MTM1: variants seen among roughly 807,000 people sequenced by gnomAD.
The protein encoded by MTM1 is myotubularin.
Under a neutral mutation model 52.1 loss-of-function variants are expected in MTM1, and 9 were observed. The ratio of observed to expected loss-of-function variants is 0.17; its 90% CI spans 0.10 to 0.30. MTM1 has a LOEUF of 0.30. MTM1 is among the 10% of genes least tolerant of loss of function. MTM1 has a pLI of 1.00. For missense variants in MTM1, 277 were observed against 470.7 expected (o/e 0.59, Z 3.81); for synonymous variants, 136 against 163.8 (o/e 0.83, Z 1.29).
intron 1 of MTM1, among the ~76,000 whole-genome samples, chrX:150,577,456 A>G (rs1230902934): frequency 8.9e-6 from 1 of 112,651 alleles, no homozygotes; most frequent in Non-Finnish European, 1.9e-5. Context: ...CTGCCTTTAA[A>G]ATGTTAGCCA....
chrX:150,651,485 GTTT>G (rs56302527), intron 10 of MTM1, among the ~76,000 whole-genome samples: 123 of 74,814 alleles, frequency 1.6e-3, no homozygotes, highest in African/African-American at 5.7e-3. Flanking sequence ...CAATTAGGTT[GTTT>G]TTTTTTTTTT....
intron 9 of MTM1, among the ~76,000 whole-genome samples, chrX:150,647,387 C>A (rs1488394157): frequency 2.7e-5 from 3 of 110,268 alleles, no homozygotes; most frequent in African/African-American, 1.0e-4. Context: ...ACTCAGGAAA[C>A]AAGCTTCTAT....
intron 4 of MTM1, among the ~76,000 whole-genome samples, chrX:150,613,372 C>T (rs1377693900): frequency 1.8e-5 from 2 of 111,003 alleles, no homozygotes; most frequent in Admixed American, 1.9e-4. Flanking sequence ...CTGCTGTTTC[C>T]CACTTAAACT....
intron 10 of MTM1, among the ~76,000 whole-genome samples, chrX:150,654,577 A>G (rs782667157): frequency 8.9e-6 from 1 of 112,240 alleles, no homozygotes; most frequent in South Asian, 3.7e-4. Flanking sequence ...ATCTTTAGTT[A>G]CATTGTATAT....
intron 6 of MTM1, among the ~76,000 whole-genome samples, chrX:150,631,437 C>T (rs2039664065): frequency 9.0e-6 from 1 of 111,491 alleles, no homozygotes; most frequent in Admixed American, 9.5e-5. Context: ...TCGAGGCAGG[C>T]AGATCACCTG....
chrX:150,618,105 G>C (rs1405942866), intron 5 of MTM1, among the ~76,000 whole-genome samples: 1 of 111,727 alleles, frequency 9.0e-6, no homozygotes, highest in African/African-American at 3.3e-5. Flanking sequence ...TTTAAAATCT[G>C]GTTTTGACTG....
chrX:150,656,303 T>C (rs192708718), intron 10 of MTM1, among the ~76,000 whole-genome samples: 18 of 110,161 alleles, frequency 1.6e-4, no homozygotes, highest in African/African-American at 2.3e-4. Flanking sequence ...TACTTTGTTA[T>C]GACTAGTGCC....
Position 150,596,523 on chromosome X carries a change from A to G in MTM1, c.89A>G (p.Asp30Gly), listed in dbSNP as rs1557412609. ...KRTSRDGVNR[D>G]LTEAVPRLPG... is the part of the protein sequence containing the mutation. ...ACGTCTCGAGATGGAGTCAATCGAG[A>G]TCTCACTGAGGCTGTTCCTCGACTT... Residue 30 changes from aspartate to glycine, a missense_variant, in exon 3 of 15, where the codon GAT (aspartate) becomes GGT (glycine). This residue lies in a region of MTM1 where 164 missense variants were observed against 283.3 expected (regional missense o/e 0.58). Coordinates refer to ENST00000370396, the MANE Select transcript of MTM1 (RefSeq NM_000252.3). The G allele has an allele frequency of 8.3e-7, 1 of 1,208,231 alleles. No homozygotes were observed. The highest frequency in any genetic ancestry group is 1.1e-6 in the Non-Finnish European group (1 of 894,407).
At position 150,622,115 on chromosome X, in the gene MTM1, G is replaced by A. The variant is rs139144021; in HGVS notation, c.444+2976G>A. Among the ~76,000 whole-genome samples the A allele has an allele frequency of 2.4e-3, 262 of 108,772 alleles. 1 individual carries two copies. Among genetic ancestry groups the A allele is most frequent in the Non-Finnish European group, 3.9e-3 (207 of 52,441 alleles). 94.5% of individuals were successfully genotyped at this position (108,772 alleles called of 115,157 possible). On this transcript the variant is annotated intron_variant, in intron 6 of 14. Coordinates refer to ENST00000370396, the MANE Select transcript of MTM1 (RefSeq NM_000252.3). ...AGAGGGCTTGATTTCTCAAGTCTGTGGTACTTGGCCATATTTTTCATACCT... is the reference window on the plus strand; with the variant it reads ...AGAGGGCTTGATTTCTCAAGTCTGTAGTACTTGGCCATATTTTTCATACCT...
chrX:150,662,507 A>G (rs148572219), intron 13 of MTM1, among the ~76,000 whole-genome samples: 1,891 of 110,269 alleles, frequency 0.017, 37 homozygotes, highest in African/African-American at 0.059. Flanking sequence ...TATTTTTGGT[A>G]GAGACGGGGC....
Position 150,610,969 on chromosome X carries a change from A to G in MTM1, c.232-3620A>G, listed in dbSNP as rs782480883. ...AGTTCACAGACACTCAAATGTCAAT[A>G]TGGTATATCTAAGCATAATAACAGA... On this transcript the variant is annotated intron_variant, in intron 4 of 14. Coordinates refer to ENST00000370396, the MANE Select transcript of MTM1 (RefSeq NM_000252.3). 1.5e-4 allele frequency among the ~76,000 whole-genome samples: 17 copies of G among 112,530 alleles called. No individual in the cohort carries two copies. The South Asian group carries it at 6.2e-3, about 41-fold the overall frequency.
At chrX:150,628,669 T>G (rs1380979493) in intron 6 of MTM1, among the ~76,000 whole-genome samples, 5 of 111,344 alleles carry the variant, frequency 4.5e-5, no homozygotes, top group Non-Finnish European at 9.4e-5. Context: ...CATTGTCCTC[T>G]TGTTCATTCA....
At chrX:150,566,592 T>C (rs2038265605), upstream of MTM1, among the ~76,000 whole-genome samples, 1 of 110,756 alleles carries the variant, frequency 9.0e-6, no homozygotes, top group Non-Finnish European at 1.9e-5. Context: ...TCTGGTTGAA[T>C]TGCATCTTTC....
At chrX:150,580,948 G>A (rs782591039) in intron 1 of MTM1, among the ~76,000 whole-genome samples, 10 of 111,952 alleles carry the variant, frequency 8.9e-5, no homozygotes, top group Admixed American at 4.8e-4. Flanking sequence ...ACCCTAGGCA[G>A]CGTTCCAAAA....
chrX:150,669,284 G>A (rs2040357509), intron 14 of MTM1, among the ~76,000 whole-genome samples: 2 of 112,262 alleles, frequency 1.8e-5, no homozygotes, highest in Admixed American at 1.9e-4. Flanking sequence ...TATCACTGAT[G>A]GGCATTTGGG....
intron 9 of MTM1, among the ~76,000 whole-genome samples, chrX:150,648,420 G>T (rs1197853049): frequency 4.4e-5 from 5 of 112,505 alleles, no homozygotes; most frequent in African/African-American, 1.6e-4. Flanking sequence ...TTAATAAAGA[G>T]AAAATAGGCA....
At chrX:150,654,456 T>A (rs181653255) in intron 10 of MTM1, among the ~76,000 whole-genome samples, 1 of 111,634 alleles carries the variant, frequency 9.0e-6, no homozygotes, top group Non-Finnish European at 1.9e-5. Flanking sequence ...TTAAAATGCT[T>A]GAAGAAATAA....
chrX:150,606,025 A>T (rs1362570865), intron 4 of MTM1, among the ~76,000 whole-genome samples: 5 of 110,359 alleles, frequency 4.5e-5, no homozygotes, highest in Non-Finnish European at 9.5e-5. Context: ...AAAAAAAAGC[A>T]TTGGAAACTT....
intron 4 of MTM1, among the ~76,000 whole-genome samples, chrX:150,605,867 A>G (rs1278300664): frequency 2.4e-4 from 27 of 111,189 alleles, no homozygotes; most frequent in Admixed American, 2.3e-3. Context: ...TAAGCCTTGG[A>G]TACTACCAGG....
Sources: gnomAD v4.1 joint callset for allele counts (sites outside exome capture counted in the v4.1 genomes callset) on GRCh38, gnomAD v4.1.1 for gene constraint, gnomAD v4.1.1 regional missense constraint, MANE v1.5 for transcripts, NCBI Gene and HGNC (gene_info 2026-07-23, HGNC 2026-07-21) for gene names.